The following ACKR2 variants were observed in gnomAD, a reference collection of about 807,000 sequenced individuals.
The protein encoded by ACKR2 is atypical chemokine receptor 2, also known as C-C chemokine receptor D6.
For synonymous variants in ACKR2, 207 were observed against 192.2 expected, an observed-to-expected ratio of 1.08 and a Z score of -0.64; for missense variants, 457 against 477.3, an observed-to-expected ratio of 0.96 and a Z score of 0.40.
intron 2 of ACKR2, among the ~76,000 whole-genome samples, chr3:42,849,634 A>G (rs1701132167): frequency 6.6e-6 from 1 of 152,230 alleles, no homozygotes; most frequent in Admixed American, 6.5e-5. Context: ...ATGGACAGAA[A>G]AGGAAAGTGA....
chr3:42,838,104 G>GA (rs1347643037), intron 2 of ACKR2, among the ~76,000 whole-genome samples: 1 of 151,598 alleles, frequency 6.6e-6, no homozygotes, highest in Non-Finnish European at 1.5e-5. Context: ...AAACATAAGA[G>GA]AAAAAAAATC....
intron 2 of ACKR2, among the ~76,000 whole-genome samples, chr3:42,858,197 G>A (rs1371302714): frequency 6.6e-6 from 1 of 152,226 alleles, no homozygotes; most frequent in East Asian, 1.9e-4. Flanking sequence ...GCCTCCTCAA[G>A]TGGGTCCCTG....
At chr3:42,810,604 TA>T (rs201420896) in intron 1 of ACKR2, among the ~76,000 whole-genome samples, 1,762 of 151,982 alleles carry the variant, frequency 0.012, 22 homozygotes, top group Non-Finnish European at 0.017. Context: ...TCACCCTATC[TA>T]AAAAAAATCG....
At chr3:42,841,780 T>C (rs920162858) in intron 2 of ACKR2, 9 of 152,258 alleles carry the variant, frequency 5.9e-5, no homozygotes, top group African/African-American at 2.2e-4. Context: ...AGTGAGTGCT[T>C]TGGGAACATA....
rs149653412 is a variant in ACKR2 at position 42,828,883 on chromosome 3, A to G, written c.-38+9172A>G. Among the ~76,000 whole-genome samples the G allele has an allele frequency of 5.7e-3, 861 of 152,356 alleles. 9 individuals are homozygous for G. Among genetic ancestry groups the G allele is most frequent in the African/African-American group, 0.02 (830 of 41,574 alleles). On this transcript the variant is annotated intron_variant, in intron 2 of 2. Transcript: ENST00000422265. The stretch of plus-strand genomic sequence containing the variant: ...ACATTAAATGAAATAGGAGGATAAT[A>G]TAAGAGCAGGCCCATAGTTGTATAT...
At chr3:42,861,582 T>C (rs1328897726) in intron 2 of ACKR2, among the ~76,000 whole-genome samples, 1 of 152,166 alleles carries the variant, frequency 6.6e-6, no homozygotes, top group East Asian at 1.9e-4. Flanking sequence ...TTCAGGCCAA[T>C]ATCCCTGATG....
At chr3:42,863,393 T>C (rs1284036688) in intron 2 of ACKR2, among the ~76,000 whole-genome samples, 2 of 152,186 alleles carry the variant, frequency 1.3e-5, no homozygotes, top group African/African-American at 4.8e-5. Context: ...GAAATAGGAA[T>C]GCTTTTACAC....
intron 2 of ACKR2, among the ~76,000 whole-genome samples, chr3:42,848,212 AATTTT>A (rs1293561857): frequency 8.1e-5 from 11 of 135,118 alleles, no homozygotes; most frequent in African/African-American, 2.8e-4. Context: ...AAAAAAAAAA[AATTTT>A]TTTTTTTTTT....
At chr3:42,812,182 C>T (rs1056914725) in intron 1 of ACKR2, among the ~76,000 whole-genome samples, 5 of 152,270 alleles carry the variant, frequency 3.3e-5, no homozygotes, top group African/African-American at 1.2e-4. Context: ...GGGCTGGCCC[C>T]CTTCAGTTTT....
chr3:42,819,540 G>C (rs576812499), intron 1 of ACKR2, 91 bp from the exon 2 acceptor site: 1 of 151,480 alleles, frequency 6.6e-6, no homozygotes, highest in South Asian at 2.1e-4. Context: ...CACACGGTAT[G>C]ATATTGAGTT....
chr3:42,847,787 A>G (rs1452962199), intron 2 of ACKR2, among the ~76,000 whole-genome samples: 1 of 152,130 alleles, frequency 6.6e-6, no homozygotes, highest in Non-Finnish European at 1.5e-5. Flanking sequence ...CTACCTGGCC[A>G]GGCTCAGCCC....
intron 2 of ACKR2, chr3:42,835,372 T>A (rs1700977571): frequency 6.6e-6 from 1 of 151,894 alleles, no homozygotes. Context: ...GTCACCCAGT[T>A]AACAGAGCTT....
chr3:42,864,725 G>T lies in ACKR2; in HGVS notation c.223G>T (p.Val75Leu). Residue 75 changes from valine to leucine, a missense_variant, in exon 3 of 3, where the codon GTG (valine) becomes TTG (leucine). Coordinates refer to ENST00000422265, the MANE Select transcript of ACKR2 (RefSeq NM_001296.5). ...TCTTCTCATGGTCTTGCTCCGTTAC[G>T]TGCCTCGCAGGCGGATGGTTGAGAT... ...LLLLMVLLRY[V>L]PRRRMVEIYL... The T allele has an allele frequency of 6.2e-7, 1 of 1,614,190 alleles. No individual in the cohort carries two copies. Among genetic ancestry groups the T allele is most frequent in the Non-Finnish European group, 8.5e-7 (1 of 1,180,024 alleles).
In ACKR2 at chr3:42,860,164, CAAAAAAAAAAAA is replaced by C. The variant is rs565028940; in HGVS notation, c.-37-4288_-37-4277del. Among the ~76,000 whole-genome samples the C allele has an allele frequency of 7.5e-4, 6 of 8,050 alleles. 1 individual carries two copies. The highest frequency in any genetic ancestry group is 1.3e-3 in the Non-Finnish European group (5 of 3,762). The allele number at this position is 8,050 out of a possible 152,430, so 5.3% of individuals were successfully genotyped here. ...GAATATTTATCAAGCAAATGGAAAG[CAAAAAAAAAAAA>C]AAAAAAAAAAAAAGCAGGGGATGCA... On this transcript the variant is annotated intron_variant, in intron 2 of 2. Coordinates refer to ENST00000422265, the MANE Select transcript of ACKR2 (RefSeq NM_001296.5).
At chr3:42,839,148 C>T (rs1446316118) in intron 2 of ACKR2, 2 of 152,120 alleles carry the variant, frequency 1.3e-5, no homozygotes, top group African/African-American at 4.8e-5. Flanking sequence ...ACCACACAAA[C>T]TCCAGCCTGT....
intron 2 of ACKR2, among the ~76,000 whole-genome samples, chr3:42,823,717 G>A (rs1242586189): frequency 1.3e-5 from 2 of 152,172 alleles, no homozygotes; most frequent in Non-Finnish European, 2.9e-5. Flanking sequence ...TGCATAGGAT[G>A]GCAAGAAACC....
chr3:42,818,671 C>G (rs1485789304), intron 1 of ACKR2, among the ~76,000 whole-genome samples: 1 of 152,182 alleles, frequency 6.6e-6, no homozygotes, highest in Non-Finnish European at 1.5e-5. Flanking sequence ...AAGCAATTCT[C>G]CTGTCTCTGC....
intron 2 of ACKR2, among the ~76,000 whole-genome samples, chr3:42,859,160 C>G (rs1038834336): frequency 8.5e-5 from 13 of 152,070 alleles, no homozygotes; most frequent in African/African-American, 3.1e-4. Flanking sequence ...CATTCAAATT[C>G]AGGAAATACA....
chr3:42,842,103 G>T (rs1432550219), intron 2 of ACKR2, among the ~76,000 whole-genome samples: 1 of 152,222 alleles, frequency 6.6e-6, no homozygotes, highest in Non-Finnish European at 1.5e-5. Context: ...TGATGGCACT[G>T]ATTGTCATTG....
Sources: gnomAD v4.1 joint callset for allele counts (sites outside exome capture counted in the v4.1 genomes callset) on GRCh38, gnomAD v4.1.1 for gene constraint, MANE v1.5 for transcripts, NCBI Gene and HGNC (gene_info 2026-07-23, HGNC 2026-07-21) for gene names.